DLGAP1: variants seen among roughly 807,000 people sequenced by gnomAD.
The protein encoded by DLGAP1 is DLG associated protein 1.
DLGAP1 carries 11 observed loss-of-function variants against 90.8 expected under a neutral mutation model. That is an observed-to-expected ratio of 0.12 (90% CI 0.08 to 0.20). The LOEUF (loss-of-function observed/expected upper bound fraction) is 0.20, where lower values mean the gene tolerates loss of function less well. DLGAP1 is among the 10% of genes least tolerant of loss of function. DLGAP1 has a pLI of 1.00. For missense variants in DLGAP1, 1,050 were observed against 1,333.8 expected (o/e 0.79, Z 3.31); for synonymous variants, 558 against 540.7 (o/e 1.03, Z -0.44).
chr18:3,851,296 A>C (rs535711805), intron 4 of DLGAP1, among the ~76,000 whole-genome samples: 5 of 152,312 alleles, frequency 3.3e-5, no homozygotes, highest in Non-Finnish European at 7.4e-5. Context: ...AAAATTCTAA[A>C]AGTGTTACTG....
chr18:3,947,146 C>T (rs555963534), intron 3 of DLGAP1, among the ~76,000 whole-genome samples: 1 of 152,176 alleles, frequency 6.6e-6, no homozygotes, highest in African/African-American at 2.4e-5. Flanking sequence ...TTCCAGCCTA[C>T]ACACATTGGG....
At chr18:4,077,000 T>G (rs1378476747) in intron 2 of DLGAP1, among the ~76,000 whole-genome samples, 1 of 152,182 alleles carries the variant, frequency 6.6e-6, no homozygotes. Flanking sequence ...TTCGCAAGGC[T>G]GAGCTCTACT....
At chr18:4,079,287 TCACACACACACACACACACACACACA>T (rs6146196) in intron 2 of DLGAP1, among the ~76,000 whole-genome samples, 23 of 142,608 alleles carry the variant, frequency 1.6e-4, no homozygotes, top group Admixed American at 5.7e-4. Flanking sequence ...AAAGAAAATG[TCACACACACACACACACACACACACA>T]CACACACACA....
At chr18:4,269,130 T>C (rs1013166018) in intron 1 of DLGAP1, among the ~76,000 whole-genome samples, 3 of 151,688 alleles carry the variant, frequency 2.0e-5, no homozygotes, top group East Asian at 3.9e-4. Flanking sequence ...AATAAATCCA[T>C]TGCTACTTAC....
Position 3,647,529 on chromosome 18 carries a change from G to A in DLGAP1, c.1592-65281C>T, listed in dbSNP as rs184357725. Among the ~76,000 whole-genome samples, 48 of 150,176 alleles carry A rather than the reference G, an allele frequency of 3.2e-4. 1 individual carries two copies. In the East Asian group the frequency reaches 7.3e-3, roughly 23 times the overall value. ...CACCCAGGCTGAAGTGTAATGGCAC[G>A]ATCTTGGCTCACTGCAACCTCCGCT... On this transcript the variant is annotated intron_variant, in intron 7 of 12. Transcript: ENST00000315677.
At chr18:4,327,254 G>C (rs767873435) in intron 1 of DLGAP1, among the ~76,000 whole-genome samples, 1 of 151,846 alleles carries the variant, frequency 6.6e-6, no homozygotes, top group East Asian at 1.9e-4. Flanking sequence ...GTGAGGTAAT[G>C]GATATGTTAA....
chr18:4,416,106 G>A (rs567164881), intron 1 of DLGAP1, among the ~76,000 whole-genome samples: 343 of 119,518 alleles, frequency 2.9e-3, no homozygotes, highest in Admixed American at 5.5e-3. Flanking sequence ...TATATTGTAT[G>A]CTTCAGAACC....
At chr18:4,404,653 AT>A (rs2082625595) in intron 1 of DLGAP1, among the ~76,000 whole-genome samples, 2 of 152,202 alleles carry the variant, frequency 1.3e-5, no homozygotes, top group Non-Finnish European at 1.5e-5. Context: ...ATTCTACATA[AT>A]TTTTTTCTGT....
At chr18:4,209,674 A>G (rs1332416271) in intron 1 of DLGAP1, among the ~76,000 whole-genome samples, 1 of 152,246 alleles carries the variant, frequency 6.6e-6, no homozygotes, top group African/African-American at 2.4e-5. Context: ...AAAGCAGGAT[A>G]CTACATTACT....
At chr18:4,118,523 G>A (rs988473246) in intron 2 of DLGAP1, among the ~76,000 whole-genome samples, 2 of 152,294 alleles carry the variant, frequency 1.3e-5, no homozygotes, top group East Asian at 1.9e-4. Context: ...AAGTTAGGTG[G>A]AGGAAAGGAA....
At position 3,897,970 on chromosome 18, in the gene DLGAP1, A is replaced by ATT. The variant is rs369627028; in HGVS notation, c.-72-17832_-72-17831dup. On this transcript the variant is annotated intron_variant, in intron 3 of 12. Transcript: ENST00000315677. ...CCACCGCGCCCGGCTAATTTTTTGTATTTTTAGTAGAGACGGGGTTTCACC... is the reference window on the plus strand; with the variant it reads ...CCACCGCGCCCGGCTAATTTTTTGTATTTTTTTAGTAGAGACGGGGTTTCACC... 8.3e-4 allele frequency among the ~76,000 whole-genome samples: 125 copies of ATT among 151,012 alleles called. 2 individuals carry two copies. The highest frequency in any genetic ancestry group is 2.2e-3 in the East Asian group (11 of 4,978).
chr18:3,968,944 A>C (rs2073387802), intron 3 of DLGAP1, among the ~76,000 whole-genome samples: 1 of 152,178 alleles, frequency 6.6e-6, no homozygotes, highest in Non-Finnish European at 1.5e-5. Flanking sequence ...GAAAAATGAC[A>C]CGGCATTCTT....
At chr18:4,300,057 C>T (rs1196858609) in intron 1 of DLGAP1, among the ~76,000 whole-genome samples, 1 of 152,102 alleles carries the variant, frequency 6.6e-6, no homozygotes, top group Non-Finnish European at 1.5e-5. Flanking sequence ...TGCGATAAAG[C>T]TTTGCCCATA....
chr18:4,134,695 C>A (rs1300535188), intron 2 of DLGAP1, among the ~76,000 whole-genome samples: 1 of 152,068 alleles, frequency 6.6e-6, no homozygotes, highest in Non-Finnish European at 1.5e-5. Flanking sequence ...CCCAGTTAAA[C>A]CCCACAATAA....
intron 1 of DLGAP1, among the ~76,000 whole-genome samples, chr18:4,375,689 C>G (rs117846843): frequency 1.6e-4 from 25 of 152,240 alleles, no homozygotes; most frequent in Admixed American, 3.3e-4. Context: ...TTTTAAACAT[C>G]ATACTAGTCT....
At chr18:4,139,768 T>C (rs1392534584) in intron 2 of DLGAP1, among the ~76,000 whole-genome samples, 1 of 151,918 alleles carries the variant, frequency 6.6e-6, no homozygotes, top group African/African-American at 2.4e-5. Context: ...TTTAATAATA[T>C]TTACTTTATA....
chr18:4,183,872 T>G (rs991399223), intron 1 of DLGAP1, among the ~76,000 whole-genome samples: 1 of 152,146 alleles, frequency 6.6e-6, no homozygotes, highest in African/African-American at 2.4e-5. Flanking sequence ...CTAAGTAGCC[T>G]TTTCATTTTA....
chr18:3,561,734 T>G (rs1380562294), intron 9 of DLGAP1, among the ~76,000 whole-genome samples: 1 of 150,986 alleles, frequency 6.6e-6, no homozygotes, highest in Non-Finnish European at 1.5e-5. Flanking sequence ...TCTTTCAATT[T>G]TTTTCGTTTT....
intron 1 of DLGAP1, among the ~76,000 whole-genome samples, chr18:4,367,541 T>C (rs117082937): frequency 6.6e-6 from 1 of 152,098 alleles, no homozygotes; most frequent in South Asian, 2.1e-4. Flanking sequence ...CCAAAAAAAA[T>C]TATATGTAGG....
Sources: gnomAD v4.1 joint callset for allele counts (sites outside exome capture counted in the v4.1 genomes callset) on GRCh38, gnomAD v4.1.1 for gene constraint, MANE v1.5 for transcripts, NCBI Gene and HGNC (gene_info 2026-07-23, HGNC 2026-07-21) for gene names.